PAK1: variants seen among roughly 807,000 people sequenced by gnomAD.
The protein encoded by PAK1 is serine/threonine-protein kinase PAK 1.
In PAK1, 29 loss-of-function variants were observed where a neutral mutation model predicts 67.4. The ratio of observed to expected loss-of-function variants is 0.43; its 90% CI spans 0.32 to 0.59. The LOEUF (loss-of-function observed/expected upper bound fraction) is 0.59, where lower values mean the gene tolerates loss of function less well. PAK1 is among the 20% of genes least tolerant of loss of function. The pLI, the probability that PAK1 is intolerant of heterozygous loss-of-function variation, is 0.07. For missense variants in PAK1, 337 were observed against 670.7 expected, an observed-to-expected ratio of 0.50 and a Z score of 5.50; for synonymous variants, 223 against 237.4, an observed-to-expected ratio of 0.94 and a Z score of 0.56.
intron 1 of PAK1, among the ~76,000 whole-genome samples, chr11:77,456,952 A>T (rs1288200877): frequency 6.6e-6 from 1 of 152,178 alleles, no homozygotes; most frequent in Admixed American, 6.5e-5. Flanking sequence ...CGTGTTAGCC[A>T]GAATGGTCTC....
At position 77,323,034 on chromosome 11, in the gene PAK1, A is replaced by G; in HGVS notation, c.*240T>C. On this transcript the variant is annotated 3_prime_UTR_variant, in exon 15 of 15. Coordinates refer to ENST00000356341, the MANE Select transcript of PAK1 (RefSeq NM_002576.5). ...AAACCCTTAATCATAAACCACCCTC[A>G]TATCCATGAATTGGGAGGAAATTCC... 1.4e-6 allele frequency: 1 copy of G among 736,550 alleles called. No homozygotes were observed. Among genetic ancestry groups the G allele is most frequent in the South Asian group, 1.5e-5 (1 of 66,850 alleles). The allele number at this position is 736,550 out of a possible 1,614,324, so 45.6% of individuals were successfully genotyped here.
chr11:77,408,690 G>A (rs1954028567), intron 1 of PAK1, among the ~76,000 whole-genome samples: 2 of 152,034 alleles, frequency 1.3e-5, no homozygotes, highest in African/African-American at 4.8e-5. Flanking sequence ...TTAACGAAGT[G>A]GAGACAACCC....
chr11:77,399,688 T>C (rs1952359367), intron 1 of PAK1, among the ~76,000 whole-genome samples: 1 of 150,176 alleles, frequency 6.7e-6, no homozygotes, highest in Admixed American at 6.6e-5. Flanking sequence ...TGAAACCCCG[T>C]CTCTACTAAA....
chr11:77,481,673 C>CAAAAAAAAAAA, the PAK1 span, among the ~76,000 whole-genome samples: 216 of 94,400 alleles, frequency 2.3e-3, 5 homozygotes, highest in Middle Eastern at 0.019. Flanking sequence ...GACTCCATCT[C>CAAAAAAAAAAA]AAAAAAAAAA....
At chr11:77,377,260 T>G (rs1949213009) in intron 4 of PAK1, among the ~76,000 whole-genome samples, 2 of 151,934 alleles carry the variant, frequency 1.3e-5, no homozygotes, top group Admixed American at 1.3e-4. Flanking sequence ...AAGAATCACA[T>G]GAGGTAATTC....
intron 8 of PAK1, 111 bp from the exon 9 acceptor site, chr11:77,349,398 T>A: frequency 2.5e-6 from 2 of 808,898 alleles, no homozygotes; most frequent in Non-Finnish European, 4.2e-6. Context: ...ACAAGAGCAG[T>A]AAAAATAATC....
chr11:77,467,879 C>T (rs1392539386), intron 1 of PAK1, among the ~76,000 whole-genome samples: 1 of 152,186 alleles, frequency 6.6e-6, no homozygotes, highest in Non-Finnish European at 1.5e-5. Context: ...TCCTTAAACC[C>T]TCCCTTGGTA....
the PAK1 span, among the ~76,000 whole-genome samples, chr11:77,492,390 A>G: frequency 1.3e-5 from 2 of 152,062 alleles, no homozygotes; most frequent in Non-Finnish European, 2.9e-5. Flanking sequence ...AGTTGAGGAG[A>G]CAAACACATA....
At chr11:77,366,478 T>C (rs866263245) in intron 5 of PAK1, among the ~76,000 whole-genome samples, 1 of 152,052 alleles carries the variant, frequency 6.6e-6, no homozygotes, top group African/African-American at 2.4e-5. Context: ...ATGGCAGTAA[T>C]AGAATAAAGA....
chr11:77,482,561 C>G, the PAK1 span, among the ~76,000 whole-genome samples: 1 of 151,176 alleles, frequency 6.6e-6, no homozygotes, highest in Admixed American at 6.6e-5. Flanking sequence ...TTGTGCATGT[C>G]TAAAAATGAT....
At chr11:77,435,962 T>C (rs909474706) in intron 1 of PAK1, among the ~76,000 whole-genome samples, 4 of 152,172 alleles carry the variant, frequency 2.6e-5, no homozygotes, top group Non-Finnish European at 5.9e-5. Context: ...ATGTTTATAA[T>C]GAAGAGTAAG....
rs577202908 is a variant in PAK1, at chr11:77,455,130, G to A, written c.-22+18422C>T. On this transcript the variant is annotated intron_variant, in intron 1 of 14. Transcript: ENST00000356341. ...ACAAGCATGATAAAAACGTCAACAT[G>A]ATTTAAGCCAAATTTGAGTCAGAAT... Among the ~76,000 whole-genome samples the A allele has an allele frequency of 3.3e-5, 5 of 152,218 alleles. No individual in the cohort carries two copies. The East Asian group carries it at 9.7e-4, about 29-fold the overall frequency.
the PAK1 span, among the ~76,000 whole-genome samples, chr11:77,510,912 T>C: frequency 6.6e-6 from 1 of 152,224 alleles, no homozygotes; most frequent in Non-Finnish European, 1.5e-5. Flanking sequence ...TCCAGCATTG[T>C]TTCTTTCTGT....
intron 1 of PAK1, among the ~76,000 whole-genome samples, chr11:77,403,786 T>C (rs1055294861): frequency 6.6e-6 from 1 of 152,228 alleles, no homozygotes; most frequent in African/African-American, 2.4e-5. Flanking sequence ...AAAGTTATGA[T>C]TACCTTCTGC....
At position 77,340,666 on chromosome 11, in the gene PAK1, T is replaced by C; in HGVS notation, c.1096A>G (p.Ile366Val). 1 of 1,598,368 alleles carries C rather than the reference T, an allele frequency of 6.3e-7. No individual in the cohort carries two copies. Among genetic ancestry groups the C allele is most frequent in the Non-Finnish European group, 8.6e-7 (1 of 1,165,562 alleles). ...CTTACCTCACGGCACACAGCTGCAA[T>C]TTGGCCTTCATCCATGCAAGTTTCT... is the stretch of plus-strand genomic sequence containing the variant. Reference protein sequence around the residue: ...VTETCMDEGQIAAVCRECLQA... With the variant: ...VTETCMDEGQVAAVCRECLQA... The change falls in exon 11 of 15, where the codon ATT (isoleucine) becomes GTT (valine). Residue 366 changes from isoleucine (I) to valine (V), a missense_variant. By Grantham distance (29) the Ile-to-Val change is conservative. Coordinates refer to ENST00000356341, the MANE Select transcript of PAK1 (RefSeq NM_002576.5).
Position 77,339,619 on chromosome 11 carries a change from T to C in PAK1, c.1116+1027A>G, listed in dbSNP as rs545043027. 3.2e-3 allele frequency among the ~76,000 whole-genome samples: 485 copies of C among 152,228 alleles called. 2 individuals are homozygous for C. The highest frequency in any genetic ancestry group is 5.6e-3 in the Non-Finnish European group (384 of 67,992). On this transcript the variant is annotated intron_variant, in intron 11 of 14. Coordinates refer to ENST00000356341, the MANE Select transcript of PAK1 (RefSeq NM_002576.5). ...GGGACCATTATTTTCTAGGGCAGTATTGATTTCACATTTTATTTTTCTTAA... is the reference window on the plus strand; with the variant it reads ...GGGACCATTATTTTCTAGGGCAGTACTGATTTCACATTTTATTTTTCTTAA...
At chr11:77,495,605 A>G in the PAK1 span, among the ~76,000 whole-genome samples, 1 of 152,244 alleles carries the variant, frequency 6.6e-6, no homozygotes, top group Admixed American at 6.5e-5. Context: ...TTATAGCAGC[A>G]TTATTCACAA....
chr11:77,394,006 A>G lies in PAK1; in HGVS notation c.-21-1465T>C, dbSNP rs545990737. On this transcript the variant is annotated intron_variant, in intron 1 of 14. Transcript: ENST00000356341. ...TGACAGAGGGAGACTCTGTCTCTAA[A>G]TAAATAAAGATGGGGGGGATTTCCT... 3.3e-5 allele frequency among the ~76,000 whole-genome samples: 5 copies of G among 152,290 alleles called. No individual in the cohort carries two copies. In the South Asian group the frequency reaches 1.0e-3, roughly 32 times the overall value.
At position 77,323,046 on chromosome 11, in the gene PAK1, T is replaced by C. The variant is rs1591605824; in HGVS notation, c.*228A>G. On this transcript the variant is annotated 3_prime_UTR_variant, in exon 15 of 15. Coordinates refer to ENST00000356341, the MANE Select transcript of PAK1 (RefSeq NM_002576.5). Reference sequence around the variant, plus strand: ...ATAAACCACCCTCATATCCATGAATTGGGAGGAAATTCCTTATTTAGAAAT... The same window carrying C: ...ATAAACCACCCTCATATCCATGAATCGGGAGGAAATTCCTTATTTAGAAAT... The C allele has an allele frequency of 6.5e-6, 5 of 768,798 alleles. No homozygotes were observed. In the East Asian group the frequency reaches 1.3e-4, roughly 21 times the overall value. The allele number at this position is 768,798 out of a possible 1,614,324, so 47.6% of individuals were successfully genotyped here.
Sources: allele counts gnomAD v4.1 joint callset (sites outside exome capture counted in the v4.1 genomes callset), GRCh38; gene constraint gnomAD v4.1.1; transcripts MANE v1.5; gene names NCBI Gene and HGNC (gene_info 2026-07-23, HGNC 2026-07-21).